The following PDE4D variants were observed in gnomAD, a reference collection of about 807,000 sequenced individuals.
PDE4D encodes 3',5'-cyclic-AMP phosphodiesterase 4D.
In PDE4D, 24 loss-of-function variants were observed where a neutral mutation model predicts 87.4. That is an observed-to-expected ratio of 0.27 (90% CI 0.20 to 0.39). The LOEUF (loss-of-function observed/expected upper bound fraction) is 0.39, where lower values mean the gene tolerates loss of function less well. Ranked by LOEUF, PDE4D falls within the 10% of genes least tolerant of loss-of-function variation. PDE4D has a pLI of 1.00. For missense variants in PDE4D, 714 were observed against 1,041.0 expected (o/e 0.69, Z 4.32); for synonymous variants, 384 against 383.2 (o/e 1.00, Z -0.02).
intron 1 of PDE4D, among the ~76,000 whole-genome samples, chr5:59,780,190 C>T (rs1449264884): frequency 6.6e-6 from 1 of 152,154 alleles, no homozygotes; most frequent in African/African-American, 2.4e-5. Context: ...ATGGCGAAAC[C>T]CCGTCTCTAC....
intron 3 of PDE4D, among the ~76,000 whole-genome samples, chr5:59,899,533 G>A (rs1480309175): frequency 6.6e-6 from 1 of 151,848 alleles, no homozygotes; most frequent in Non-Finnish European, 1.5e-5. Flanking sequence ...AGATGCTTAA[G>A]TGTTTATTCC....
chr5:59,229,091 T>G (rs1754545064), intron 1 of PDE4D, among the ~76,000 whole-genome samples: 1 of 152,148 alleles, frequency 6.6e-6, no homozygotes, highest in African/African-American at 2.4e-5. Context: ...GTTTTTTACT[T>G]ATTTTATCAT....
At chr5:59,861,091 G>A (rs173943) in intron 1 of PDE4D, among the ~76,000 whole-genome samples, 214 of 149,262 alleles carry the variant, frequency 1.4e-3, no homozygotes, top group Non-Finnish European at 2.7e-3. Context: ...GGCTGGTTTC[G>A]AACTCCTGAC....
At chr5:60,169,602 C>T (rs551368539) in intron 2 of PDE4D, among the ~76,000 whole-genome samples, 167 of 152,050 alleles carry the variant, frequency 1.1e-3, no homozygotes, top group African/African-American at 3.1e-3. Context: ...GAAGAAATAA[C>T]GCACTATTTC....
chr5:59,247,175 C>T (rs745828243), intron 1 of PDE4D, among the ~76,000 whole-genome samples: 2 of 150,070 alleles, frequency 1.3e-5, no homozygotes, highest in African/African-American at 2.4e-5. Flanking sequence ...CAGTTAGTAA[C>T]TGTAAAGGAG....
intron 2 of PDE4D, among the ~76,000 whole-genome samples, chr5:60,182,223 T>C (rs1229221716): frequency 2.0e-5 from 3 of 152,168 alleles, no homozygotes; most frequent in Admixed American, 2.0e-4. Context: ...ATGAAGTGAT[T>C]ATTAGACTTC....
chr5:60,218,282 T>C (rs1179959995), intron 1 of PDE4D, among the ~76,000 whole-genome samples: 1 of 152,006 alleles, frequency 6.6e-6, no homozygotes, highest in Non-Finnish European at 1.5e-5. Context: ...ATTCCATTTC[T>C]ATGAAGAACA....
chr5:59,620,304 A>C (rs575242702), intron 1 of PDE4D, among the ~76,000 whole-genome samples: 6 of 152,264 alleles, frequency 3.9e-5, no homozygotes, highest in East Asian at 1.9e-4. Context: ...AAATGGGGAG[A>C]TCACACAGGT....
chr5:59,432,574 C>A (rs571292925), intron 1 of PDE4D, among the ~76,000 whole-genome samples: 1 of 152,210 alleles, frequency 6.6e-6, no homozygotes, highest in African/African-American at 2.4e-5. Context: ...AACTCCTCCA[C>A]ACTCCTGCCA....
chr5:60,303,018 AG>A (rs1384672600), intron 1 of PDE4D, among the ~76,000 whole-genome samples: 1 of 151,810 alleles, frequency 6.6e-6, no homozygotes, highest in East Asian at 1.9e-4. Flanking sequence ...TAGTAGAGAC[AG>A]GGTTTAACCA....
chr5:59,510,780 T>A (rs1337357053), intron 1 of PDE4D, among the ~76,000 whole-genome samples: 3 of 151,942 alleles, frequency 2.0e-5, no homozygotes, highest in African/African-American at 7.2e-5. Flanking sequence ...TGAAAACTCT[T>A]TAGTTAAGTG....
chr5:60,054,655 T>A lies in PDE4D; in HGVS notation c.43-65938A>T, dbSNP rs564814525. On this transcript the variant is annotated intron_variant, in intron 2 of 16. Coordinates refer to the PDE4D transcript ENST00000502484. ...GTAGCAAACCTGCACATTCTACACA[T>A]GTATCCCAGAAATTAAAGTATAATA... Among the ~76,000 whole-genome samples the A allele has an allele frequency of 3.3e-5, 5 of 151,210 alleles. No homozygotes were observed. In the South Asian group the frequency reaches 1.1e-3, roughly 32 times the overall value.
chr5:59,583,115 C>T (rs1288249762), intron 1 of PDE4D, among the ~76,000 whole-genome samples: 1 of 152,166 alleles, frequency 6.6e-6, no homozygotes, highest in African/African-American at 2.4e-5. Flanking sequence ...AATTCAATTG[C>T]ATTCAACATA....
intron 1 of PDE4D, among the ~76,000 whole-genome samples, chr5:60,242,676 G>C (rs1350435900): frequency 6.6e-6 from 1 of 151,832 alleles, no homozygotes; most frequent in Non-Finnish European, 1.5e-5. Flanking sequence ...TAAAACAAGA[G>C]GAATTTTGGA....
At chr5:59,715,410 G>T (rs563772712) in intron 1 of PDE4D, among the ~76,000 whole-genome samples, 14 of 152,322 alleles carry the variant, frequency 9.2e-5, no homozygotes, top group Admixed American at 2.6e-4. Flanking sequence ...GCCCGATGGG[G>T]CACGGTACAC....
At chr5:60,430,559 T>C (rs1342974625) in intron 1 of PDE4D, among the ~76,000 whole-genome samples, 1 of 151,350 alleles carries the variant, frequency 6.6e-6, no homozygotes, top group East Asian at 2.0e-4. Context: ...GTTTTTTTTT[T>C]TTATTGATCA....
chr5:59,301,109 AT>A (rs1464933276), intron 1 of PDE4D, among the ~76,000 whole-genome samples: 2 of 151,978 alleles, frequency 1.3e-5, no homozygotes, highest in African/African-American at 4.8e-5. Flanking sequence ...TCCTTCTGGG[AT>A]TTTATGGAGG....
chr5:59,760,809 G>A (rs940544572), intron 1 of PDE4D, among the ~76,000 whole-genome samples: 1 of 152,090 alleles, frequency 6.6e-6, no homozygotes, highest in Non-Finnish European at 1.5e-5. Context: ...TTAAATTCAG[G>A]AAATTACATC....
intron 6 of PDE4D, among the ~76,000 whole-genome samples, chr5:59,013,738 C>T (rs567009256): frequency 2.0e-4 from 31 of 152,166 alleles, no homozygotes; most frequent in African/African-American, 4.8e-4. Context: ...TGGTAACATT[C>T]CTTCTGAAAC....
Sources: gnomAD v4.1 joint callset for allele counts (sites outside exome capture counted in the v4.1 genomes callset) on GRCh38, gnomAD v4.1.1 for gene constraint, MANE v1.5 for transcripts, NCBI Gene and HGNC (gene_info 2026-07-23, HGNC 2026-07-21) for gene names.